CHRNA6: variants seen among roughly 807,000 people sequenced by gnomAD.
CHRNA6 encodes the protein cholinergic receptor nicotinic alpha 6 subunit, also known as neuronal acetylcholine receptor subunit alpha-6.
A neutral mutation model predicts 40.9 loss-of-function variants in CHRNA6; 31 were observed. The ratio of observed to expected loss-of-function variants is 0.76; its 90% CI spans 0.57 to 1.02. The LOEUF (loss-of-function observed/expected upper bound fraction) is 1.02, where lower values mean the gene tolerates loss of function less well. Ranked by LOEUF, CHRNA6 falls within the 50% of genes least tolerant of loss-of-function variation. CHRNA6 has a pLI of 0.00. For synonymous variants in CHRNA6, 222 were observed against 221.3 expected, an observed-to-expected ratio of 1.00 and a Z score of -0.03; for missense variants, 546 against 596.6, an observed-to-expected ratio of 0.92 and a Z score of 0.88.
rs35837134 is a variant in CHRNA6, at chr8:42,765,122, G to A, written c.162C>T (p.Asn54=). 966 of 1,614,174 alleles carry A rather than the reference G, an allele frequency of 6.0e-4. 5 individuals carry two copies. The highest frequency in any genetic ancestry group is 1.6e-3 in the African/African-American group (117 of 75,044). ...HYNQFIRPVE[N]VSDPVTVHFE... is the part of the protein sequence containing the mutation. ...AGTGTACCGTGACAGGGTCGGAAAC[G>A]TTTTCCACAGGCCTGATGAACTGGT... Residue 54 remains asparagine (N), a synonymous_variant, in exon 2 of 6, where the codon AAC becomes AAT. Transcript: ENST00000276410.
intron 3 of CHRNA6, among the ~76,000 whole-genome samples, chr8:42,757,416 AGTT>A (rs1300013073): frequency 6.8e-6 from 1 of 148,058 alleles, no homozygotes; most frequent in Admixed American, 6.9e-5. Flanking sequence ...ATGGTTCAAC[AGTT>A]GTTGTTGAAA....
rs765118748 is a variant in CHRNA6 at position 42,753,194 on chromosome 8, G to A, written c.1470C>T (p.Asn490=). ...AGLFLQPLLG[N]TGKS ...AAAATACATTTTAAGATTTTCCTGT[G>A]TTCCCAAGTAGTGGCTGTAGAAATA... Residue 490 remains asparagine (N), a synonymous_variant, in exon 6 of 6, where the codon AAC becomes AAT. Coordinates refer to ENST00000276410, the MANE Select transcript of CHRNA6 (RefSeq NM_004198.3). 5.0e-6 allele frequency: 8 copies of A among 1,597,394 alleles called. No homozygotes were observed. The highest frequency in any genetic ancestry group is 6.0e-6 in the Non-Finnish European group (7 of 1,176,288).
Position 42,756,571 on chromosome 8 carries a change from C to T in CHRNA6, c.628G>A (p.Asp210Asn). 6.2e-7 allele frequency: 1 copy of T among 1,614,094 alleles called. No homozygotes were observed. Among genetic ancestry groups the T allele is most frequent in the Middle Eastern group, 1.7e-4 (1 of 6,060 alleles). Residue 210 changes from aspartate to asparagine, a missense_variant, in exon 5 of 6, where the codon GAT becomes AAT. By Grantham distance (23) the Asp-to-Asn change is conservative. Around this residue, in one of 3 missense-constraint regions of CHRNA6, gnomAD observed 476 missense variants for 494.5 expected, o/e 0.96. Coordinates refer to ENST00000276410, the MANE Select transcript of CHRNA6 (RefSeq NM_004198.3). ...FWENSEWEIIDASGYKHDIKY... is the reference protein window; with the variant it reads ...FWENSEWEIINASGYKHDIKY... ...ATGTCATGTTTGTAGCCAGAGGCAT[C>T]AATGATTTCCCATTCACTGTTTTCC...
At chr8:42,762,605 C>T (rs1436076263) in intron 2 of CHRNA6, among the ~76,000 whole-genome samples, 1 of 152,120 alleles carries the variant, frequency 6.6e-6, no homozygotes, top group African/African-American at 2.4e-5. Context: ...GCCAAGATCA[C>T]GCCACTGCAC....
chr8:42,765,970 GA>G (rs1485801202), intron 1 of CHRNA6, among the ~76,000 whole-genome samples: 10 of 152,228 alleles, frequency 6.6e-5, no homozygotes, highest in Admixed American at 5.9e-4. Context: ...CTGTTAGTGA[GA>G]GTGTAAATTA....
rs79217977 is a variant in CHRNA6 at position 42,755,978 on chromosome 8, G to C, written c.1221C>G (p.Ser407Arg). Residue 407 changes from serine to arginine, a missense_variant, in exon 5 of 6, where the codon AGC becomes AGG. Physicochemically the swap from Ser to Arg is moderately radical, Grantham distance 110. Coordinates refer to ENST00000276410, the MANE Select transcript of CHRNA6 (RefSeq NM_004198.3). The part of the protein sequence containing the change: ...HCHKSNELAT[S>R]KRRLSHQPLQ... ...ATGGCTGATGACTTAATCTTCTCTT[G>C]CTTGTGGCAAGCTCATTTGATTTGT... 6.2e-7 allele frequency: 1 copy of C among 1,614,172 alleles called. No individual in the cohort carries two copies. Among genetic ancestry groups the C allele is most frequent in the Non-Finnish European group, 8.5e-7 (1 of 1,180,030 alleles).
chr8:42,752,996 C>G lies in CHRNA6; in HGVS notation c.*183G>C. On this transcript the variant is annotated 3_prime_UTR_variant, in exon 6 of 6. Coordinates refer to ENST00000276410, the MANE Select transcript of CHRNA6 (RefSeq NM_004198.3). ...TGTCATAACACTTCTCACTTCTCCC[C>G]CTGTGCTACACTGGAGGATATTCTG... The G allele has an allele frequency of 1.8e-6, 1 of 541,998 alleles. No individual in the cohort carries two copies. The highest frequency in any genetic ancestry group is 3.2e-6 in the Non-Finnish European group (1 of 311,360). 33.6% of individuals were successfully genotyped at this position (541,998 alleles called of 1,614,324 possible). A position where few individuals can be genotyped will look rare whatever the true frequency, so the allele number is the denominator to read the frequency against.
intron 2 of CHRNA6, among the ~76,000 whole-genome samples, chr8:42,763,347 T>G (rs1816931430): frequency 6.6e-6 from 1 of 152,210 alleles, no homozygotes. Flanking sequence ...TGACTGATAT[T>G]AATCTCCTGG....
chr8:42,764,533 TTCAGGCTGG>T (rs968819457), intron 2 of CHRNA6, among the ~76,000 whole-genome samples: 3 of 152,054 alleles, frequency 2.0e-5, no homozygotes, highest in African/African-American at 7.2e-5. Flanking sequence ...TGCTATGTCG[TTCAGGCTGG>T]TCTCGAACTC....
chr8:42,762,004 C>T (rs2128912169), intron 2 of CHRNA6, among the ~76,000 whole-genome samples: 1 of 152,302 alleles, frequency 6.6e-6, no homozygotes, highest in African/African-American at 2.4e-5. Context: ...TGGCCTTGCT[C>T]CTGTACTGAA....
In CHRNA6 at chr8:42,756,401, C is replaced by G; in HGVS notation, c.798G>C (p.Ser266=). The change falls in exon 5 of 6, where the codon TCG becomes TCC. Residue 266 remains serine (S), a synonymous_variant. Transcript: ENST00000276410. ...AAAGCGTCACTTTTTCACCACAGTC[C>G]GAAGGAAGGTAAAAGACCAACACGG... ...FLTVLVFYLP[S]DCGEKVTLCI... is the part of the protein sequence containing the mutation. 6.2e-7 allele frequency: 1 copy of G among 1,613,944 alleles called. No homozygotes were observed. The highest frequency in any genetic ancestry group is 8.5e-7 in the Non-Finnish European group (1 of 1,179,980).
Position 42,756,098 on chromosome 8 carries a change from AG to A in CHRNA6, c.1100del (p.Ser367LeufsTer45). On this transcript the variant is annotated frameshift_variant, in exon 5 of 6. Coordinates refer to ENST00000276410, the MANE Select transcript of CHRNA6 (RefSeq NM_004198.3). LOFTEE classifies it high-confidence loss of function. Reference sequence around the variant, plus strand: ...TGGCAAGGCCTCTGGGCACTGCATCAGAGCCTGTGCCCCTTGTCTTGTCCAG... The same window carrying A: ...TGGCAAGGCCTCTGGGCACTGCATCAAGCCTGTGCCCCTTGTCTTGTCCAG... The part of the protein sequence containing the change: ...WPLDKTRGTG[S>X]DAVPRGLARR... 1.9e-6 allele frequency: 3 copies of A among 1,614,272 alleles called. No homozygotes were observed. The highest frequency in any genetic ancestry group is 2.5e-6 in the Non-Finnish European group (3 of 1,180,040).
intron 1 of CHRNA6, among the ~76,000 whole-genome samples, chr8:42,766,805 T>G (rs959601309): frequency 6.6e-6 from 1 of 152,176 alleles, no homozygotes; most frequent in Non-Finnish European, 1.5e-5. Context: ...ACCTAGGTGA[T>G]GGGTTGATCT....
intron 3 of CHRNA6, 152 bp from the exon 4 acceptor site, chr8:42,757,189 A>G (rs1816817120): frequency 3.3e-6 from 2 of 612,642 alleles, no homozygotes; most frequent in African/African-American, 3.7e-5. Flanking sequence ...AGCATAGTGA[A>G]ACCCCGTCTC....
intron 2 of CHRNA6, among the ~76,000 whole-genome samples, chr8:42,759,748 AAAATAGTC>A (rs1408971256): frequency 1.3e-5 from 2 of 152,104 alleles, no homozygotes; most frequent in South Asian, 4.1e-4. Context: ...AAAATACAAA[AAAATAGTC>A]AGGTGTGGTG....
rs973103823 is a variant in CHRNA6, at chr8:42,764,877, C to T, written c.219+188G>A. The T allele has an allele frequency of 1.2e-5, 7 of 604,330 alleles. No homozygotes were observed. In the African/African-American group the frequency reaches 1.3e-4, roughly 11 times the overall value. 37.4% of individuals were successfully genotyped at this position (604,330 alleles called of 1,614,324 possible). A position where few individuals can be genotyped will look rare whatever the true frequency, so the allele number is the denominator to read the frequency against. ...CGTAAACTGGTTCTCAAAGCACTTC[C>T]AGGAAAAACACTGCCTCACACAGAC... On this transcript the variant is annotated intron_variant, in intron 2 of 5. Coordinates refer to ENST00000276410, the MANE Select transcript of CHRNA6 (RefSeq NM_004198.3).
At position 42,756,838 on chromosome 8, in the gene CHRNA6, CA is replaced by C. The variant is rs768071672; in HGVS notation, c.375-15del. 29 of 1,606,824 alleles carry C rather than the reference CA, an allele frequency of 1.8e-5. No homozygotes were observed. In the East Asian group the frequency reaches 6.2e-4, roughly 35 times the overall value. On this transcript the variant is annotated splice_polypyrimidine_tract_variant and intron_variant, in intron 4 of 5. Coordinates refer to ENST00000276410, the MANE Select transcript of CHRNA6 (RefSeq NM_004198.3). Reference sequence around the variant, plus strand: ...TCACCAACAGCACTGCAAAGCAAGTCAGACACCATTAGTAACACTCCCTTTG... The same window carrying C: ...TCACCAACAGCACTGCAAAGCAAGTCGACACCATTAGTAACACTCCCTTTG...
rs1176587004 is a variant in CHRNA6 at position 42,756,168 on chromosome 8, A to T, written c.1031T>A (p.Val344Asp). 6.2e-7 allele frequency: 1 copy of T among 1,614,226 alleles called. No individual in the cohort carries two copies. Among genetic ancestry groups the T allele is most frequent in the Admixed American group, 1.7e-5 (1 of 60,028 alleles). The change falls in exon 5 of 6, where the codon GTT becomes GAT. Residue 344 changes from valine (V) to aspartate (D), a missense_variant. Physicochemically the swap from Val to Asp is radical, Grantham distance 152. Around this residue, in one of 3 missense-constraint regions of CHRNA6, gnomAD observed 476 missense variants for 494.5 expected, o/e 0.96. Transcript: ENST00000276410. ...GACCTGGGGCAGCAGCTTCAGGAAA[A>T]CTGTCTTCACCCACCTGGGCATTGT... ...THTMPRWVKT[V>D]FLKLLPQVLL...
intron 5 of CHRNA6, among the ~76,000 whole-genome samples, chr8:42,753,869 G>A (rs1026642464): frequency 9.2e-5 from 14 of 152,112 alleles, no homozygotes; most frequent in African/African-American, 3.4e-4. Flanking sequence ...TGCAAGAAAC[G>A]CTCCAGAGAA....
Sources: allele counts gnomAD v4.1 joint callset (sites outside exome capture counted in the v4.1 genomes callset), GRCh38; gene constraint gnomAD v4.1.1; regional missense constraint gnomAD v4.1.1; transcripts MANE v1.5; gene names NCBI Gene and HGNC (gene_info 2026-07-23, HGNC 2026-07-21).